Variants in BMPER observed in about 807,000 individuals in gnomAD.
BMPER encodes the protein BMP-binding endothelial regulator protein.
In BMPER, 45 loss-of-function variants were observed where a neutral mutation model predicts 87.3. That is an observed-to-expected ratio of 0.52 (90% CI 0.41 to 0.66). BMPER has a LOEUF of 0.66. BMPER is among the 30% of genes least tolerant of loss of function. The pLI is 0.00. For synonymous variants in BMPER, 326 were observed against 316.2 expected, an observed-to-expected ratio of 1.03 and a Z score of -0.33; for missense variants, 784 against 867.5, an observed-to-expected ratio of 0.90 and a Z score of 1.21.
At chr7:34,070,816 CTTTTTTT>C (rs60588204) in intron 11 of BMPER, among the ~76,000 whole-genome samples, 1 of 119,502 alleles carries the variant, frequency 8.4e-6, no homozygotes, top group Non-Finnish European at 1.7e-5. Context: ...AGCGGCAGAG[CTTTTTTT>C]TTTTTTTTTT....
rs1454110597 is a variant in BMPER at position 34,119,010 on chromosome 7, T to C, written c.1746-24220T>C. Among the ~76,000 whole-genome samples the C allele has an allele frequency of 1.4e-3, 48 of 33,998 alleles. No homozygotes were observed. The East Asian group carries it at 0.1, about 73-fold the overall frequency. The allele number at this position is 33,998 out of a possible 152,430, so 22.3% of individuals were successfully genotyped here. On this transcript the variant is annotated intron_variant, in intron 13 of 14. Coordinates refer to ENST00000649409, the MANE Select transcript of BMPER (RefSeq NM_001365308.1). ...CTCTCTCTCACTGTCTCTCTCTCTC[T>C]CTCTCACACACACACACACACACAC... is the stretch of plus-strand genomic sequence containing the variant.
At chr7:34,061,872 T>C (rs547486419) in intron 10 of BMPER, 130 bp from the exon 11 acceptor site, 1 of 808,644 alleles carries the variant, frequency 1.2e-6, no homozygotes, top group African/African-American at 1.7e-5. Context: ...GGGCATTGAG[T>C]TCAAATACAG....
Position 34,055,240 on chromosome 7 carries a change from G to C in BMPER, c.864G>C (p.Glu288Asp). The C allele has an allele frequency of 6.2e-7, 1 of 1,614,146 alleles. No homozygotes were observed. Among genetic ancestry groups the C allele is most frequent in the Non-Finnish European group, 8.5e-7 (1 of 1,180,036 alleles). The change falls in exon 9 of 15, where the codon GAG (glutamate) becomes GAC (aspartate). Residue 288 changes from glutamate (E) to aspartate (D), a missense_variant. Coordinates refer to ENST00000649409, the MANE Select transcript of BMPER (RefSeq NM_001365308.1). The stretch of plus-strand genomic sequence containing the variant: ...AAGGCCAGGAGGGCTGTTGTGAAGA[G>C]TGCCTCCTACGAGTGCCCCCAGAAG... The part of the protein sequence containing the change: ...CDQGQEGCCE[E>D]CLLRVPPEDI...
chr7:34,032,954 C>T (rs961124678), intron 6 of BMPER, among the ~76,000 whole-genome samples: 2 of 152,060 alleles, frequency 1.3e-5, no homozygotes, highest in African/African-American at 4.8e-5. Flanking sequence ...CTGCAACAGG[C>T]CAAACCAGGT....
chr7:34,064,143 T>C (rs1440071847), intron 11 of BMPER, among the ~76,000 whole-genome samples: 2 of 152,112 alleles, frequency 1.3e-5, no homozygotes, highest in African/African-American at 4.8e-5. Context: ...ATACAAAAAT[T>C]AGCTGGGCGT....
intron 6 of BMPER, among the ~76,000 whole-genome samples, chr7:33,980,973 G>C (rs73327176): frequency 0.07 from 10,730 of 152,206 alleles, 548 homozygotes; most frequent in African/African-American, 0.15. Flanking sequence ...AAAGAAAATG[G>C]AGATCCTCAT....
At chr7:33,916,502 T>G (rs1051246805) in intron 2 of BMPER, among the ~76,000 whole-genome samples, 65 of 152,338 alleles carry the variant, frequency 4.3e-4, no homozygotes, top group African/African-American at 1.5e-3. Flanking sequence ...CAGGCACTAG[T>G]GCATACCTGT....
rs769931168 is a variant in BMPER at position 34,079,033 on chromosome 7, A to C, written c.1255A>C (p.Lys419Gln). 1.9e-6 allele frequency: 3 copies of C among 1,614,086 alleles called. No homozygotes were observed. In the East Asian group the frequency reaches 6.7e-5, roughly 36 times the overall value. ...CCGGACACGCTCCTTCTCGTGGACC[A>C]AGTCGGTGGAGCTGGTGCTGGGCGA... ...ARRTRSFSWTKSVELVLGESR... is the reference protein window; with the variant it reads ...ARRTRSFSWTQSVELVLGESR... Residue 419 changes from lysine (K) to glutamine (Q), a missense_variant, in exon 12 of 15, where the codon AAG becomes CAG. Physicochemically the swap from Lys to Gln is moderately conservative, Grantham distance 53. Transcript: ENST00000649409.
chr7:33,937,544 G>A (rs76331579), intron 3 of BMPER, 156 bp downstream of exon 3: 9,388 of 728,900 alleles, frequency 0.013, 354 homozygotes, highest in East Asian at 0.12. Context: ...GTGTATGTGT[G>A]TGTTTGTGTG....
chr7:34,136,619 A>T lies in BMPER; in HGVS notation c.1746-6611A>T, dbSNP rs562855385. On this transcript the variant is annotated intron_variant, in intron 13 of 14. Transcript: ENST00000649409. ...CAATAAACCTAAGATGCCTTCACTC[A>T]CTTCTATGACCTTCCTAGATATGTG... Among the ~76,000 whole-genome samples, 7 of 152,250 alleles carry T rather than the reference A, an allele frequency of 4.6e-5. No individual in the cohort carries two copies. In the East Asian group the frequency reaches 1.4e-3, roughly 29 times the overall value.
chr7:34,145,053 C>G (rs1431145263), intron 14 of BMPER, among the ~76,000 whole-genome samples: 2 of 152,186 alleles, frequency 1.3e-5, no homozygotes, highest in African/African-American at 4.8e-5. Context: ...ACCCTGGGAG[C>G]TTAAAAAATA....
intron 13 of BMPER, among the ~76,000 whole-genome samples, chr7:34,129,415 C>T (rs575318559): frequency 4.0e-5 from 6 of 151,760 alleles, no homozygotes; most frequent in Admixed American, 1.3e-4. Flanking sequence ...GCAGGAGAAT[C>T]GCTTGAACCC....
At chr7:33,923,503 GT>G (rs1220076504) in intron 2 of BMPER, among the ~76,000 whole-genome samples, 3 of 152,206 alleles carry the variant, frequency 2.0e-5, no homozygotes, top group Non-Finnish European at 4.4e-5. Flanking sequence ...GTTGGAAGGT[GT>G]GATAATTAGT....
chr7:34,003,106 C>A (rs1786629239), intron 6 of BMPER, among the ~76,000 whole-genome samples: 1 of 151,624 alleles, frequency 6.6e-6, no homozygotes. Flanking sequence ...CCATTACTAT[C>A]ATATTTTGTG....
At chr7:34,143,452 C>A (rs1790930303) in intron 14 of BMPER, 92 bp downstream of exon 14, 1 of 1,555,704 alleles carries the variant, frequency 6.4e-7, no homozygotes, top group African/African-American at 1.4e-5. Context: ...ACATGAGTGG[C>A]CACATGCCCC....
At chr7:33,974,855 C>G (rs1785645109) in intron 6 of BMPER, 71 bp downstream of exon 6, 6 of 1,427,158 alleles carry the variant, frequency 4.2e-6, no homozygotes, top group Non-Finnish European at 5.9e-6. Flanking sequence ...CAAGAGCACC[C>G]CCGGTCTCTA....
intron 5 of BMPER, among the ~76,000 whole-genome samples, chr7:33,972,258 TG>T: frequency 6.6e-6 from 1 of 152,094 alleles, no homozygotes. Flanking sequence ...CTCATAACCA[TG>T]GGATCTGTCA....
intron 6 of BMPER, among the ~76,000 whole-genome samples, chr7:34,014,182 A>T (rs1176684461): frequency 6.6e-6 from 1 of 151,920 alleles, no homozygotes; most frequent in Non-Finnish European, 1.5e-5. Context: ...TAGCACCTAC[A>T]AAAAAGGCAC....
chr7:34,064,405 T>C (rs1456660834), intron 11 of BMPER, among the ~76,000 whole-genome samples: 2 of 152,222 alleles, frequency 1.3e-5, no homozygotes, highest in African/African-American at 4.8e-5. Context: ...ATCTACATTA[T>C]ATTATCAGTT....
Sources: allele counts gnomAD v4.1 joint callset (sites outside exome capture counted in the v4.1 genomes callset), GRCh38; gene constraint gnomAD v4.1.1; transcripts MANE v1.5; gene names NCBI Gene and HGNC (gene_info 2026-07-23, HGNC 2026-07-21).